RASGRF2: variants seen among roughly 807,000 people sequenced by gnomAD.
RASGRF2 encodes the protein Ras protein specific guanine nucleotide releasing factor 2.
In RASGRF2, 76 loss-of-function variants were observed where a neutral mutation model predicts 151.0. The observed-to-expected ratio is 0.50, with a 90% CI of 0.42 to 0.61. The LOEUF (loss-of-function observed/expected upper bound fraction) is 0.61. Ranked by LOEUF, RASGRF2 falls within the 20% of genes least tolerant of loss-of-function variation. The pLI is 0.00. For missense variants in RASGRF2, 1,148 were observed against 1,564.6 expected, an observed-to-expected ratio of 0.73 and a Z score of 4.49; for synonymous variants, 504 against 566.5, an observed-to-expected ratio of 0.89 and a Z score of 1.57.
At chr5:81,197,373 G>A (rs1303305743) in intron 18 of RASGRF2, among the ~76,000 whole-genome samples, 1 of 143,792 alleles carries the variant, frequency 7.0e-6, no homozygotes, top group Non-Finnish European at 1.5e-5. Context: ...GGAGAATGGC[G>A]TGAACCCGGG....
intron 1 of RASGRF2, among the ~76,000 whole-genome samples, chr5:81,003,493 G>T (rs547419157): frequency 1.1e-3 from 166 of 152,248 alleles, no homozygotes; most frequent in African/African-American, 3.7e-3. Context: ...AAAGTGCTGG[G>T]ATTACAGGCG....
chr5:81,116,555 T>TCTC (rs1219744266), intron 15 of RASGRF2, among the ~76,000 whole-genome samples: 2 of 151,776 alleles, frequency 1.3e-5, no homozygotes, highest in Non-Finnish European at 2.9e-5. Context: ...GAATCTTTCT[T>TCTC]CTCCTCCTTC....
intron 2 of RASGRF2, among the ~76,000 whole-genome samples, chr5:81,057,898 A>G: frequency 6.6e-6 from 1 of 152,064 alleles, no homozygotes; most frequent in East Asian, 1.9e-4. Flanking sequence ...TGGCAGGCTG[A>G]GGCAGGAGGA....
chr5:80,964,275 G>T (rs1214718156), intron 1 of RASGRF2, among the ~76,000 whole-genome samples: 1 of 152,044 alleles, frequency 6.6e-6, no homozygotes, highest in Non-Finnish European at 1.5e-5. Context: ...CAAAAGTGTT[G>T]TTCCTTTTCT....
chr5:81,138,461 C>G (rs1753807482), intron 17 of RASGRF2, among the ~76,000 whole-genome samples: 1 of 152,178 alleles, frequency 6.6e-6, no homozygotes, highest in African/African-American at 2.4e-5. Flanking sequence ...GAAGAGCTGG[C>G]TTTCATTGTA....
intron 1 of RASGRF2, among the ~76,000 whole-genome samples, chr5:80,996,516 C>T (rs1373928012): frequency 0.058 from 2,815 of 48,164 alleles, 366 homozygotes; most frequent in Non-Finnish European, 0.066. Flanking sequence ...TCCTCCTCCT[C>T]CTCCCCCTCC....
In RASGRF2 at chr5:81,086,814, CCTGT is replaced by C. The variant is rs752055835; in HGVS notation, c.1272-16_1272-13del. 7 of 1,561,598 alleles carry C rather than the reference CCTGT, an allele frequency of 4.5e-6. No individual in the cohort carries two copies. The highest frequency in any genetic ancestry group is 6.2e-6 in the Non-Finnish European group (7 of 1,132,646). On this transcript the variant is annotated splice_polypyrimidine_tract_variant and intron_variant, in intron 8 of 26. Transcript: ENST00000265080. ...AAGAGAAAATCTCTCTTACTGTGAT[CCTGT>C]CTGTGTTGTGTCACAGAGTAATGCA...
At chr5:81,150,602 A>G (rs985202244) in intron 17 of RASGRF2, among the ~76,000 whole-genome samples, 2 of 152,074 alleles carry the variant, frequency 1.3e-5, no homozygotes, top group Non-Finnish European at 2.9e-5. Flanking sequence ...TTTCTTCCTG[A>G]CTCACTTATG....
chr5:81,043,261 A>G (rs1348510651), intron 2 of RASGRF2, among the ~76,000 whole-genome samples: 2 of 152,124 alleles, frequency 1.3e-5, no homozygotes, highest in Non-Finnish European at 2.9e-5. Context: ...GTGCTTTTCA[A>G]TTACAGAATG....
At chr5:81,032,427 A>T (rs1750293851) in intron 1 of RASGRF2, among the ~76,000 whole-genome samples, 1 of 152,230 alleles carries the variant, frequency 6.6e-6, no homozygotes, top group African/African-American at 2.4e-5. Context: ...ATTCAGCAGC[A>T]CATCAAAAAG....
intron 18 of RASGRF2, among the ~76,000 whole-genome samples, chr5:81,195,186 C>T (rs1384441133): frequency 6.6e-6 from 1 of 151,720 alleles, no homozygotes; most frequent in Non-Finnish European, 1.5e-5. Flanking sequence ...CTGCGGGCTC[C>T]ACCCAGGGGC....
At chr5:81,082,951 G>A (rs577699661) in intron 7 of RASGRF2, among the ~76,000 whole-genome samples, 16 of 152,334 alleles carry the variant, frequency 1.1e-4, no homozygotes, top group African/African-American at 3.8e-4. Context: ...CCTTATGCTC[G>A]TTGGTGTCTC....
rs372071095 is a variant in RASGRF2 at position 81,180,300 on chromosome 5, T to A, written c.2793+19T>A. The A allele has an allele frequency of 7.5e-5, 106 of 1,422,766 alleles. No homozygotes were observed. The highest frequency in any genetic ancestry group is 5.2e-4 in the Middle Eastern group (3 of 5,716). 88.1% of individuals were successfully genotyped at this position (1,422,766 alleles called of 1,614,324 possible). A position where few individuals can be genotyped will look rare whatever the true frequency, so the allele number is the denominator to read the frequency against. ...CGCACAGGTAAGTCAGTGCCCTCAT[T>A]AATTACTTGCAAGGATTTTTTAAAA... On this transcript the variant is annotated intron_variant, in intron 18 of 26. Transcript: ENST00000265080.
At chr5:81,116,006 T>A (rs1415315296) in intron 15 of RASGRF2, among the ~76,000 whole-genome samples, 1 of 147,008 alleles carries the variant, frequency 6.8e-6, no homozygotes, top group Non-Finnish European at 1.5e-5. Flanking sequence ...GGAGAATTTC[T>A]GGGCAAAGAG....
In RASGRF2 at chr5:81,180,452, A is replaced by G. The variant is rs570895746; in HGVS notation, c.2793+171A>G. Among the ~76,000 whole-genome samples the G allele has an allele frequency of 1.1e-4, 16 of 152,316 alleles. No individual in the cohort carries two copies. In the South Asian group the frequency reaches 3.3e-3, roughly 32 times the overall value. The stretch of plus-strand genomic sequence containing the variant: ...AGGCATACAGATCAAAGCAGACACA[A>G]GTGTCTTGCCAACATCCACTGTTTC... On this transcript the variant is annotated intron_variant, in intron 18 of 26. Transcript: ENST00000265080.
chr5:81,085,885 C>T lies in RASGRF2; in HGVS notation c.1245C>T (p.Ala415=). The T allele has an allele frequency of 6.2e-7, 1 of 1,613,894 alleles. No individual in the cohort carries two copies. The highest frequency in any genetic ancestry group is 2.2e-5 in the East Asian group (1 of 44,888). The change falls in exon 8 of 27, where the codon GCC becomes GCT. Residue 415 remains alanine (A), a synonymous_variant. Coordinates refer to ENST00000265080, the MANE Select transcript of RASGRF2 (RefSeq NM_006909.3). ...EHVERKSLEF[A]KSKLEELSRV... Reference sequence around the variant, plus strand: ...TGGAAAGGAAAAGCCTGGAGTTTGCCAAATCAAAGCTAGAGGAACTATCCA... The same window carrying T: ...TGGAAAGGAAAAGCCTGGAGTTTGCTAAATCAAAGCTAGAGGAACTATCCA...
chr5:81,089,221 A>G (rs532742123), intron 9 of RASGRF2, among the ~76,000 whole-genome samples: 1 of 152,202 alleles, frequency 6.6e-6, no homozygotes, highest in East Asian at 1.9e-4. Context: ...TTATTATTTT[A>G]AAAAAATTTA....
At chr5:80,993,695 G>C (rs547663801) in intron 1 of RASGRF2, among the ~76,000 whole-genome samples, 1 of 152,356 alleles carries the variant, frequency 6.6e-6, no homozygotes, top group South Asian at 2.1e-4. Context: ...CTGAAGGCAA[G>C]AGGGAAGGGA....
intron 17 of RASGRF2, among the ~76,000 whole-genome samples, chr5:81,164,130 A>G (rs1332310327): frequency 6.6e-6 from 1 of 152,214 alleles, no homozygotes; most frequent in Non-Finnish European, 1.5e-5. Flanking sequence ...TATAGTAACA[A>G]TAATGTTTGA....
Sources: allele counts gnomAD v4.1 joint callset (sites outside exome capture counted in the v4.1 genomes callset), GRCh38; gene constraint gnomAD v4.1.1; transcripts MANE v1.5; gene names NCBI Gene and HGNC (gene_info 2026-07-23, HGNC 2026-07-21).